Variants in ADAMTSL3 observed in about 807,000 individuals in gnomAD.
ADAMTSL3 encodes the protein ADAMTS like 3.
A neutral mutation model predicts 201.7 loss-of-function variants in ADAMTSL3; 128 were observed. The observed-to-expected ratio is 0.63, with a 90% CI of 0.55 to 0.73. The LOEUF is 0.73. Among genes scored for constraint, ADAMTSL3 ranks in the 30% least tolerant of loss-of-function variants. The pLI is 0.00. For synonymous variants in ADAMTSL3, 738 were observed against 748.4 expected, an observed-to-expected ratio of 0.99 and a Z score of 0.23; for missense variants, 1,990 against 2,119.6, an observed-to-expected ratio of 0.94 and a Z score of 1.20.
chr15:83,773,404 C>T (rs1314654810), intron 3 of ADAMTSL3, 119 bp from the exon 4 acceptor site: 1 of 1,146,424 alleles, frequency 8.7e-7, no homozygotes, highest in Non-Finnish European at 1.2e-6. Context: ...AGCTCTGTCT[C>T]AATTAAAAAA....
intron 6 of ADAMTSL3, among the ~76,000 whole-genome samples, chr15:83,823,840 A>G (rs72746963): frequency 0.099 from 14,969 of 151,312 alleles, 975 homozygotes; most frequent in East Asian, 0.32. Flanking sequence ...CTCTTCCTAC[A>G]CTATCCACCT....
intron 3 of ADAMTSL3, among the ~76,000 whole-genome samples, chr15:83,705,993 C>T (rs1459970096): frequency 6.6e-6 from 1 of 152,174 alleles, no homozygotes; most frequent in East Asian, 1.9e-4. Context: ...CATTGTAGAG[C>T]CCAAACATTT....
At chr15:83,977,673 G>A (rs1417301356) in intron 20 of ADAMTSL3, among the ~76,000 whole-genome samples, 4 of 152,140 alleles carry the variant, frequency 2.6e-5, no homozygotes, top group Non-Finnish European at 5.9e-5. Context: ...GCCCTAAGAC[G>A]GTCAAGTAAG....
chr15:83,970,449 C>A (rs1162582264), intron 19 of ADAMTSL3, 35 bp from the exon 20 acceptor site: 1 of 1,612,860 alleles, frequency 6.2e-7, no homozygotes, highest in East Asian at 2.2e-5. Context: ...CCTGCTCATG[C>A]TCCATTTGAC....
rs528274351 is a variant in ADAMTSL3 at position 84,036,898 on chromosome 15, C to T, written c.4880C>T (p.Thr1627Ile). 8 of 1,614,166 alleles carry T rather than the reference C, an allele frequency of 5.0e-6. No homozygotes were observed. In the East Asian group the frequency reaches 1.1e-4, roughly 22 times the overall value. The change falls in exon 29 of 30, where the codon ACA becomes ATA. Residue 1627 changes from threonine (T) to isoleucine (I), a missense_variant. By Grantham distance (89) the Thr-to-Ile change is moderately conservative. Transcript: ENST00000286744. The stretch of plus-strand genomic sequence containing the variant: ...TCTCGGAAAGTCGACTGTATCCACA[C>T]AAGGAGTTGCAAACCTGTGGCCAAG... Reference protein sequence around the residue: ...FQSRKVDCIHTRSCKPVAKRH... With the variant: ...FQSRKVDCIHIRSCKPVAKRH...
At chr15:83,879,395 TTTCTC>T (rs1176540272) in intron 9 of ADAMTSL3, among the ~76,000 whole-genome samples, 1 of 152,176 alleles carries the variant, frequency 6.6e-6, no homozygotes, top group Non-Finnish European at 1.5e-5. Flanking sequence ...AGTCTATAAA[TTTCTC>T]TCAATGCATG....
At chr15:83,756,979 C>T (rs1300446462) in intron 3 of ADAMTSL3, among the ~76,000 whole-genome samples, 2 of 152,214 alleles carry the variant, frequency 1.3e-5, no homozygotes, top group Admixed American at 6.5e-5. Context: ...CCCATGGCCT[C>T]GGGCAGCTCT....
intron 2 of ADAMTSL3, among the ~76,000 whole-genome samples, chr15:83,689,619 T>C (rs976379184): frequency 6.6e-6 from 1 of 152,256 alleles, no homozygotes; most frequent in African/African-American, 2.4e-5. Flanking sequence ...GATTTATTGA[T>C]TCATTCTACT....
intron 19 of ADAMTSL3, among the ~76,000 whole-genome samples, chr15:83,955,800 A>G (rs2066850681): frequency 6.6e-6 from 1 of 151,944 alleles, no homozygotes; most frequent in Non-Finnish European, 1.5e-5. Context: ...GACAAAGTAC[A>G]AAGTCCTCTT....
At chr15:83,772,019 G>GT (rs1226110739) in intron 3 of ADAMTSL3, among the ~76,000 whole-genome samples, 2 of 151,970 alleles carry the variant, frequency 1.3e-5, no homozygotes, top group Non-Finnish European at 2.9e-5. Context: ...CGTCCAGCTA[G>GT]TTTTTTTGTA....
chr15:83,875,904 T>C (rs1056932596), intron 9 of ADAMTSL3, among the ~76,000 whole-genome samples: 1 of 152,208 alleles, frequency 6.6e-6, no homozygotes, highest in African/African-American at 2.4e-5. Flanking sequence ...GAGAAATGGA[T>C]GCTGGTAGGC....
At chr15:83,824,059 T>A (rs1222577841) in intron 6 of ADAMTSL3, among the ~76,000 whole-genome samples, 6 of 151,008 alleles carry the variant, frequency 4.0e-5, no homozygotes, top group African/African-American at 9.7e-5. Flanking sequence ...TTTTTTTTTT[T>A]AAAGAGACAG....
At chr15:83,839,359 C>G (rs56298063) in intron 7 of ADAMTSL3, among the ~76,000 whole-genome samples, 15,575 of 152,106 alleles carry the variant, frequency 0.1, 1,023 homozygotes, top group East Asian at 0.33. Flanking sequence ...TGAGGAACTC[C>G]TAATATGTTG....
intron 23 of ADAMTSL3, among the ~76,000 whole-genome samples, chr15:84,003,180 GGCTC>G (rs1291543880): frequency 6.6e-6 from 1 of 151,756 alleles, no homozygotes; most frequent in Non-Finnish European, 1.5e-5. Context: ...AGAACTCCTA[GGCTC>G]AAGCAACCCT....
chr15:84,036,508 C>T (rs1472940088), intron 28 of ADAMTSL3, among the ~76,000 whole-genome samples: 1 of 152,162 alleles, frequency 6.6e-6, no homozygotes, highest in Non-Finnish European at 1.5e-5. Flanking sequence ...TGTTGGAAGT[C>T]AGTGGAAACA....
intron 3 of ADAMTSL3, among the ~76,000 whole-genome samples, chr15:83,714,822 C>CTTTTT (rs1567093097): frequency 9.6e-5 from 8 of 83,546 alleles, no homozygotes; most frequent in Admixed American, 3.6e-4. Flanking sequence ...TTCTTTCTTT[C>CTTTTT]CTTCTCTCTC....
At chr15:83,958,420 T>C (rs1465107953) in intron 19 of ADAMTSL3, among the ~76,000 whole-genome samples, 1 of 152,072 alleles carries the variant, frequency 6.6e-6, no homozygotes, top group Non-Finnish European at 1.5e-5. Context: ...TCCTTGGGAG[T>C]TGGGGAGTCC....
chr15:83,970,009 A>C (rs947482432), intron 19 of ADAMTSL3, among the ~76,000 whole-genome samples: 5 of 152,226 alleles, frequency 3.3e-5, no homozygotes, highest in African/African-American at 1.2e-4. Flanking sequence ...GTTTGCATTA[A>C]GCCCAAACCC....
chr15:84,034,352 G>T (rs1325474603), intron 28 of ADAMTSL3, among the ~76,000 whole-genome samples: 3 of 152,174 alleles, frequency 2.0e-5, no homozygotes, highest in Admixed American at 6.5e-5. Context: ...GAGTGTTGTA[G>T]AAGGAGTAGC....
Sources: gnomAD v4.1 joint callset for allele counts (sites outside exome capture counted in the v4.1 genomes callset) on GRCh38, gnomAD v4.1.1 for gene constraint, MANE v1.5 for transcripts, NCBI Gene and HGNC (gene_info 2026-07-23, HGNC 2026-07-21) for gene names.